PCDHA13: variants seen among roughly 807,000 people sequenced by gnomAD.
PCDHA13 encodes the protein protocadherin alpha 13.
In PCDHA13, 54 loss-of-function variants were observed where a neutral mutation model predicts 64.8. The ratio of observed to expected loss-of-function variants is 0.83; its 90% CI spans 0.67 to 1.04. The LOEUF (loss-of-function observed/expected upper bound fraction) is 1.04, where lower values mean the gene tolerates loss of function less well. PCDHA13 is among the 50% of genes least tolerant of loss of function. PCDHA13 has a pLI of 0.00. For synonymous variants in PCDHA13, 587 were observed against 564.4 expected (o/e 1.04, Z -0.57); for missense variants, 1,248 against 1,254.3 (o/e 0.99, Z 0.08).
chr5:140,966,435 C>G (rs1554228292), intron 1 of PCDHA13: 5 of 423,758 alleles, frequency 1.2e-5, no homozygotes, highest in African/African-American at 1.0e-4. Context: ...GCCCTCCTAC[C>G]GCTCCCTTTC....
chr5:140,910,200 A>C (rs1471024317), intron 1 of PCDHA13, among the ~76,000 whole-genome samples: 1 of 152,200 alleles, frequency 6.6e-6, no homozygotes, highest in East Asian at 1.9e-4. Flanking sequence ...TCTTTTGTCC[A>C]CTTGACCTGG....
intron 1 of PCDHA13, among the ~76,000 whole-genome samples, chr5:140,914,027 T>C (rs188298966): frequency 6.6e-6 from 1 of 152,186 alleles, no homozygotes; most frequent in Non-Finnish European, 1.5e-5. Context: ...ATCCACGTGC[T>C]GAGAAGAATG....
chr5:140,937,199 G>A (rs2091405017), intron 1 of PCDHA13, among the ~76,000 whole-genome samples: 2 of 151,792 alleles, frequency 1.3e-5, no homozygotes, highest in Admixed American at 6.6e-5. Context: ...CACCATGCCC[G>A]GCTAATTTTT....
At chr5:140,895,099 T>C (rs558310890) in intron 1 of PCDHA13, among the ~76,000 whole-genome samples, 1 of 152,326 alleles carries the variant, frequency 6.6e-6, no homozygotes, top group East Asian at 1.9e-4. Flanking sequence ...ATAGGGGTTT[T>C]TGCTACAAGA....
chr5:140,950,022 A>G (rs1355491628), intron 1 of PCDHA13, among the ~76,000 whole-genome samples: 1 of 151,918 alleles, frequency 6.6e-6, no homozygotes, highest in Non-Finnish European at 1.5e-5. Flanking sequence ...CCTTCATAAA[A>G]TATAGAAAAG....
intron 1 of PCDHA13, among the ~76,000 whole-genome samples, chr5:140,973,733 C>G (rs1273705154): frequency 6.6e-6 from 1 of 152,216 alleles, no homozygotes; most frequent in Non-Finnish European, 1.5e-5. Context: ...GGCATCTGGT[C>G]TAACTCAGAA....
At chr5:140,994,059 A>G (rs2097593470) in intron 3 of PCDHA13, among the ~76,000 whole-genome samples, 5 of 152,174 alleles carry the variant, frequency 3.3e-5, no homozygotes, top group Admixed American at 3.3e-4. Context: ...GCCCTTATAA[A>G]TCTAATGGTG....
chr5:140,939,903 CT>C (rs1485545948), intron 1 of PCDHA13, among the ~76,000 whole-genome samples: 1 of 152,046 alleles, frequency 6.6e-6, no homozygotes, highest in Non-Finnish European at 1.5e-5. Context: ...ATTCTGCATT[CT>C]TTTTTATTCT....
At chr5:140,979,068 C>G in intron 2 of PCDHA13, 61 bp downstream of exon 2, 1 of 1,602,182 alleles carries the variant, frequency 6.2e-7, no homozygotes. Flanking sequence ...CTCAGATAAA[C>G]TGCATCTCCA....
chr5:140,946,631 T>TACAC (rs374022482), intron 1 of PCDHA13, among the ~76,000 whole-genome samples: 1 of 131,846 alleles, frequency 7.6e-6, no homozygotes, highest in Non-Finnish European at 1.5e-5. Flanking sequence ...TATATATATA[T>TACAC]ACAATGGAAT....
intron 3 of PCDHA13, among the ~76,000 whole-genome samples, chr5:141,007,525 G>C (rs782132903): frequency 1.3e-4 from 19 of 151,814 alleles, no homozygotes; most frequent in Non-Finnish European, 2.5e-4. Context: ...CTGATATCTC[G>C]CCACTGCACT....
intron 1 of PCDHA13, chr5:140,929,483 G>A: frequency 8.4e-7 from 1 of 1,192,950 alleles, no homozygotes; most frequent in Non-Finnish European, 1.1e-6. Context: ...AAGTATAGAA[G>A]TATTAGAAGA....
chr5:140,961,477 G>T (rs2095615587), intron 1 of PCDHA13, among the ~76,000 whole-genome samples: 1 of 152,006 alleles, frequency 6.6e-6, no homozygotes, highest in African/African-American at 2.4e-5. Flanking sequence ...TTTTTGTCTT[G>T]TCCACGTGAG....
At chr5:140,979,179 G>T in intron 2 of PCDHA13, 172 bp downstream of exon 2, 1 of 936,772 alleles carries the variant, frequency 1.1e-6, no homozygotes, top group Middle Eastern at 5.5e-4. Flanking sequence ...ATCGCAAATG[G>T]TCAGTGCCAG....
intron 1 of PCDHA13, among the ~76,000 whole-genome samples, chr5:140,885,790 G>T (rs141648269): frequency 0.012 from 1,822 of 152,058 alleles, 11 homozygotes; most frequent in Non-Finnish European, 0.018. Context: ...TGAGCATATT[G>T]TCATATGTAT....
chr5:140,940,485 ACAAGT>A (rs1554213400), intron 1 of PCDHA13, among the ~76,000 whole-genome samples: 1 of 151,718 alleles, frequency 6.6e-6, no homozygotes, highest in African/African-American at 2.4e-5. Flanking sequence ...TTTTTTCAAG[ACAAGT>A]CTTGCTCCGT....
intron 3 of PCDHA13, among the ~76,000 whole-genome samples, chr5:141,003,903 G>A (rs150270772): frequency 6.6e-6 from 1 of 152,076 alleles, no homozygotes; most frequent in Non-Finnish European, 1.5e-5. Flanking sequence ...CCATTCATTT[G>A]GGTCTTGACT....
At position 140,927,227 on chromosome 5, in the gene PCDHA13, T is replaced by G. The variant is rs782721972; in HGVS notation, c.2394+42565T>G. The G allele has an allele frequency of 3.2e-5, 51 of 1,613,848 alleles. No individual in the cohort carries two copies. The highest frequency in any genetic ancestry group is 1.6e-4 in the Middle Eastern group (1 of 6,084). ...CCGCTGGAGCTGCACAAGATTCGGA[T>G]TCACGTCCTGGACACCAATGACAAC... On this transcript the variant is annotated intron_variant, in intron 1 of 3. Coordinates refer to ENST00000289272, the MANE Select transcript of PCDHA13 (RefSeq NM_018904.3).
chr5:140,970,651 T>C (rs1191146950), intron 1 of PCDHA13, among the ~76,000 whole-genome samples: 4 of 152,226 alleles, frequency 2.6e-5, no homozygotes, highest in Non-Finnish European at 5.9e-5. Flanking sequence ...TAGTGATGAA[T>C]TGTTATCTTT....
Sources: allele counts gnomAD v4.1 joint callset (sites outside exome capture counted in the v4.1 genomes callset), GRCh38; gene constraint gnomAD v4.1.1; transcripts MANE v1.5; gene names NCBI Gene and HGNC (gene_info 2026-07-23, HGNC 2026-07-21).